Variants in SLC19A2 observed in about 807,000 individuals in gnomAD.
SLC19A2 encodes the protein solute carrier family 19 member 2.
Under a neutral mutation model 44.7 loss-of-function variants are expected in SLC19A2, and 27 were observed. The observed-to-expected ratio is 0.60, with a 90% confidence interval of 0.45 to 0.83. The LOEUF (loss-of-function observed/expected upper bound fraction) is 0.83. SLC19A2 is among the 40% of genes least tolerant of loss of function. The probability of loss-of-function intolerance (pLI) is 0.00; values close to 1 mark genes in which losing one functional copy is unlikely to be tolerated. For missense variants in SLC19A2, 566 were observed against 613.7 expected (o/e 0.92, Z 0.82); for synonymous variants, 239 against 243.6 (o/e 0.98, Z 0.18).
chr1:169,471,698 G>GTGTGTGTGTGTGTGTATATA (rs1553212202), intron 2 of SLC19A2, among the ~76,000 whole-genome samples: 1 of 146,882 alleles, frequency 6.8e-6, no homozygotes, highest in East Asian at 2.2e-4. Context: ...GTGTGTGTGT[G>GTGTGTGTGTGTGTGTATATA]TATATATACA....
intron 5 of SLC19A2, 62 bp downstream of exon 5, chr1:169,468,049 A>G (rs1358293743): frequency 3.2e-6 from 5 of 1,553,776 alleles, no homozygotes; most frequent in Non-Finnish European, 3.6e-6. Flanking sequence ...AAGCATACAT[A>G]TACTTCTGTC....
chr1:169,467,298 ATCT>A (rs1658014701), intron 5 of SLC19A2, among the ~76,000 whole-genome samples: 1 of 152,214 alleles, frequency 6.6e-6, no homozygotes, highest in Non-Finnish European at 1.5e-5. Context: ...TCTCAGACTC[ATCT>A]TCTTCATGTC....
chr1:169,471,500 C>CAT (rs1658179315), intron 2 of SLC19A2, among the ~76,000 whole-genome samples: 1 of 106,548 alleles, frequency 9.4e-6, no homozygotes, highest in African/African-American at 3.1e-5. Context: ...CACACACACA[C>CAT]ACACACACAA....
At chr1:169,474,387 T>C (rs1658262052) in intron 2 of SLC19A2, among the ~76,000 whole-genome samples, 1 of 152,210 alleles carries the variant, frequency 6.6e-6, no homozygotes, top group African/African-American at 2.4e-5. Context: ...TTAATTTATG[T>C]CATTTCTAAT....
At chr1:169,468,493 C>T (rs1204252477) in intron 4 of SLC19A2, 151 bp downstream of exon 4, 1 of 718,676 alleles carries the variant, frequency 1.4e-6, no homozygotes, top group South Asian at 1.9e-5. Flanking sequence ...AATGCTTCCT[C>T]AGGAGAAAAA....
intron 1 of SLC19A2, among the ~76,000 whole-genome samples, chr1:169,479,414 A>G (rs572971234): frequency 6.6e-6 from 1 of 152,340 alleles, no homozygotes; most frequent in Admixed American, 6.5e-5. Context: ...TAAACTTTAA[A>G]CCAGAAAGAC....
chr1:169,465,787 A>G lies in SLC19A2; in HGVS notation c.*62T>C. ...TATATGTCTACGCTTTAAAAAATCA[A>G]ACACATCCAGGCAGTTGCTGTGCAG... is the stretch of plus-strand genomic sequence containing the variant. On this transcript the variant is annotated 3_prime_UTR_variant, in exon 6 of 6. Coordinates refer to ENST00000236137, the MANE Select transcript of SLC19A2 (RefSeq NM_006996.3). 1 of 1,586,536 alleles carries G rather than the reference A, an allele frequency of 6.3e-7. No individual in the cohort carries two copies. Among genetic ancestry groups the G allele is most frequent in the Non-Finnish European group, 8.6e-7 (1 of 1,159,350 alleles).
At chr1:169,468,857 A>T in intron 3 of SLC19A2, 21 bp from the exon 4 acceptor site, 1 of 1,609,586 alleles carries the variant, frequency 6.2e-7, no homozygotes, top group East Asian at 2.2e-5. Context: ...AACAAAAAAA[A>T]TCCAATTATT....
chr1:169,473,790 A>C (rs987239586), intron 2 of SLC19A2, among the ~76,000 whole-genome samples: 5 of 148,886 alleles, frequency 3.4e-5, no homozygotes, highest in Non-Finnish European at 7.4e-5. Context: ...AGAAAAGGAA[A>C]GATTGCTCTA....
At chr1:169,484,401 G>A (rs1159658928) in intron 1 of SLC19A2, among the ~76,000 whole-genome samples, 4 of 152,194 alleles carry the variant, frequency 2.6e-5, no homozygotes, top group Non-Finnish European at 5.9e-5. Context: ...ACATAGAGAA[G>A]AGTAAGGTTT....
intron 1 of SLC19A2, among the ~76,000 whole-genome samples, chr1:169,479,903 A>T (rs181315109): frequency 1.3e-5 from 2 of 152,364 alleles, no homozygotes; most frequent in African/African-American, 4.8e-5. Context: ...TAGGCAAACA[A>T]TAAAAAATTG....
chr1:169,485,892 C>A lies in SLC19A2; in HGVS notation c.-126G>T. On this transcript the variant is annotated 5_prime_UTR_variant, in exon 1 of 6. Transcript: ENST00000236137. ...CCCTGTAAGGCCAGGACGTTCTGGA[C>A]TCGCCGCCGCCTCCGGCTACAGAAC... The A allele has an allele frequency of 9.1e-7, 1 of 1,100,438 alleles. No homozygotes were observed. Among genetic ancestry groups the A allele is most frequent in the Non-Finnish European group, 1.3e-6 (1 of 793,014 alleles). 68.2% of individuals were successfully genotyped at this position (1,100,438 alleles called of 1,614,324 possible).
intron 2 of SLC19A2, 78 bp from the exon 3 acceptor site, chr1:169,470,264 T>C (rs779193001): frequency 6.8e-6 from 8 of 1,176,118 alleles, no homozygotes; most frequent in Non-Finnish European, 1.0e-5. Flanking sequence ...CCCAATTACT[T>C]ACCTAACAGA....
intron 1 of SLC19A2, among the ~76,000 whole-genome samples, chr1:169,478,939 A>T (rs2101782473): frequency 6.6e-6 from 1 of 152,116 alleles, no homozygotes; most frequent in Admixed American, 6.5e-5. Context: ...TAAAAAAAAA[A>T]AATGCCCAGC....
At chr1:169,468,346 A>T in intron 4 of SLC19A2, 94 bp from the exon 5 acceptor site, 1 of 1,113,760 alleles carries the variant, frequency 9.0e-7, no homozygotes, top group Non-Finnish European at 1.3e-6. Flanking sequence ...ATCTTTAAAC[A>T]TGAAGAGTCC....
chr1:169,476,095 T>C (rs1658298159), intron 2 of SLC19A2, among the ~76,000 whole-genome samples: 3 of 152,046 alleles, frequency 2.0e-5, no homozygotes, highest in East Asian at 1.9e-4. Context: ...ATTAACTTTG[T>C]TCCTCACAGC....
At chr1:169,480,311 T>C (rs1195909186) in intron 1 of SLC19A2, among the ~76,000 whole-genome samples, 2 of 152,066 alleles carry the variant, frequency 1.3e-5, no homozygotes, top group African/African-American at 4.8e-5. Flanking sequence ...ATACTATCTG[T>C]CAGCTTTCTT....
At chr1:169,480,041 G>A (rs1334396311) in intron 1 of SLC19A2, among the ~76,000 whole-genome samples, 2 of 152,190 alleles carry the variant, frequency 1.3e-5, no homozygotes, top group Non-Finnish European at 2.9e-5. Flanking sequence ...GGTCTAATTT[G>A]TGTTGGTAAA....
chr1:169,474,669 C>T (rs560827288), intron 2 of SLC19A2, among the ~76,000 whole-genome samples: 1 of 152,092 alleles, frequency 6.6e-6, no homozygotes, highest in Non-Finnish European at 1.5e-5. Context: ...TCAATAATTA[C>T]CACAATTATA....
Sources: gnomAD v4.1 joint callset for allele counts (sites outside exome capture counted in the v4.1 genomes callset) on GRCh38, gnomAD v4.1.1 for gene constraint, MANE v1.5 for transcripts, NCBI Gene and HGNC (gene_info 2026-07-23, HGNC 2026-07-21) for gene names.